HIPK2: variants seen among roughly 807,000 people sequenced by gnomAD.
The protein encoded by HIPK2 is homeodomain interacting protein kinase 2, also known as homeodomain-interacting protein kinase 2.
Under a neutral mutation model 113.7 loss-of-function variants are expected in HIPK2, and 27 were observed. The ratio of observed to expected loss-of-function variants is 0.24; its 90% CI spans 0.17 to 0.33. The LOEUF is 0.33. HIPK2 is among the 10% of genes least tolerant of loss of function. The pLI, the probability that HIPK2 is intolerant of heterozygous loss-of-function variation, is 1.00. For missense variants in HIPK2, 1,257 were observed against 1,588.0 expected, an observed-to-expected ratio of 0.79 and a Z score of 3.54; for synonymous variants, 631 against 642.2, an observed-to-expected ratio of 0.98 and a Z score of 0.26.
intron 2 of HIPK2, among the ~76,000 whole-genome samples, chr7:139,671,376 A>G (rs1223058536): frequency 6.6e-6 from 1 of 152,210 alleles, no homozygotes; most frequent in South Asian, 2.1e-4. Flanking sequence ...GACTTACTTA[A>G]AAAGAACTTC....
At chr7:139,755,863 C>T (rs1423663588) in intron 1 of HIPK2, among the ~76,000 whole-genome samples, 1 of 152,262 alleles carries the variant, frequency 6.6e-6, no homozygotes, top group Non-Finnish European at 1.5e-5. Context: ...ACCACAGCTA[C>T]CTTCTATTAT....
intron 2 of HIPK2, among the ~76,000 whole-genome samples, chr7:139,646,624 A>G (rs368215818): frequency 2.0e-5 from 3 of 152,304 alleles, no homozygotes; most frequent in African/African-American, 4.8e-5. Flanking sequence ...GTCCAAGAAC[A>G]GGGACTCTCC....
chr7:139,677,937 T>C (rs1287875991), intron 2 of HIPK2, among the ~76,000 whole-genome samples: 1 of 152,270 alleles, frequency 6.6e-6, no homozygotes, highest in Non-Finnish European at 1.5e-5. Flanking sequence ...TGGTATCTCA[T>C]TGTGGTTTTG....
At chr7:139,761,072 A>G (rs1796454702) in intron 1 of HIPK2, among the ~76,000 whole-genome samples, 2 of 152,238 alleles carry the variant, frequency 1.3e-5, no homozygotes, top group African/African-American at 2.4e-5. Context: ...ACGTGTTACT[A>G]CGTGAAGTGG....
At chr7:139,745,028 G>A (rs532415624) in intron 1 of HIPK2, among the ~76,000 whole-genome samples, 1 of 152,338 alleles carries the variant, frequency 6.6e-6, no homozygotes, top group South Asian at 2.1e-4. Flanking sequence ...CAGCAAGGCT[G>A]GTGGGCACAG....
intron 1 of HIPK2, among the ~76,000 whole-genome samples, chr7:139,723,533 A>G (rs1795480069): frequency 6.6e-6 from 1 of 152,098 alleles, no homozygotes; most frequent in African/African-American, 2.4e-5. Flanking sequence ...TTGTTAAGGG[A>G]CTGGCTCATT....
At chr7:139,586,133 G>A (rs1798825663) in intron 12 of HIPK2, among the ~76,000 whole-genome samples, 1 of 152,110 alleles carries the variant, frequency 6.6e-6, no homozygotes, top group Admixed American at 6.6e-5. Flanking sequence ...CTCAGAAGAA[G>A]GTGAGGAATG....
intron 1 of HIPK2, among the ~76,000 whole-genome samples, chr7:139,717,752 T>G (rs1217431863): frequency 6.6e-6 from 1 of 152,160 alleles, no homozygotes; most frequent in Non-Finnish European, 1.5e-5. Context: ...TGTTTGTTTG[T>G]TTTTGTTTTG....
intron 2 of HIPK2, among the ~76,000 whole-genome samples, chr7:139,701,360 G>C (rs939540675): frequency 6.6e-6 from 1 of 152,200 alleles, no homozygotes; most frequent in Non-Finnish European, 1.5e-5. Context: ...TTATAGTCTC[G>C]GCTAACTGCA....
At chr7:139,740,570 G>C (rs1262709216) in intron 1 of HIPK2, among the ~76,000 whole-genome samples, 1 of 152,224 alleles carries the variant, frequency 6.6e-6, no homozygotes, top group African/African-American at 2.4e-5. Context: ...AACTGGCAGG[G>C]AGAAGACCCG....
chr7:139,727,396 C>G (rs1795611860), intron 1 of HIPK2, among the ~76,000 whole-genome samples: 1 of 152,168 alleles, frequency 6.6e-6, no homozygotes, highest in Admixed American at 6.5e-5. Context: ...ACCAAATGCA[C>G]CATGTCACGC....
intron 2 of HIPK2, among the ~76,000 whole-genome samples, chr7:139,640,725 C>A (rs1800982732): frequency 6.6e-6 from 1 of 152,008 alleles, no homozygotes; most frequent in Non-Finnish European, 1.5e-5. Context: ...TCTTGGTTGA[C>A]CGCACCTTCC....
chr7:139,638,828 T>C (rs1046850303), intron 2 of HIPK2, among the ~76,000 whole-genome samples: 5 of 152,044 alleles, frequency 3.3e-5, no homozygotes, highest in African/African-American at 1.2e-4. Flanking sequence ...CGGCTAATTT[T>C]TCGTATTTTT....
chr7:139,634,194 C>T (rs1800723035), intron 2 of HIPK2, among the ~76,000 whole-genome samples: 1 of 152,066 alleles, frequency 6.6e-6, no homozygotes, highest in South Asian at 2.1e-4. Context: ...GAGTACCAGT[C>T]ACACTTGCCG....
Position 139,565,130 on chromosome 7 carries a change from G to A in HIPK2, c.*7797C>T, listed in dbSNP as rs1246250838. The A allele has an allele frequency of 6.6e-6, 1 of 151,928 alleles. No individual in the cohort carries two copies. The highest frequency in any genetic ancestry group is 2.4e-5 in the African/African-American group (1 of 41,352). The allele number at this position is 151,928 out of a possible 1,614,324, so 9.4% of individuals were successfully genotyped here. A position where few individuals can be genotyped will look rare whatever the true frequency, so the allele number is the denominator to read the frequency against. ...TTTCAAAAAAGGCTAAAACCAGGAT[G>A]AATGCCCACATTTGAGGTAATTATT... On this transcript the variant is annotated 3_prime_UTR_variant, in exon 15 of 15. Transcript: ENST00000406875.
chr7:139,604,015 T>G, intron 10 of HIPK2, 66 bp downstream of exon 10: 1 of 1,605,512 alleles, frequency 6.2e-7, no homozygotes. Context: ...GGCAGCCCTG[T>G]GTTGGCAGTG....
chr7:139,618,213 G>A (rs549196055), intron 7 of HIPK2, among the ~76,000 whole-genome samples: 11 of 152,306 alleles, frequency 7.2e-5, no homozygotes, highest in Non-Finnish European at 1.3e-4. Flanking sequence ...GTTATGGTAC[G>A]CTTAGTAAAG....
chr7:139,777,262 A>G (rs966031712), intron 1 of HIPK2: 3 of 152,390 alleles, frequency 2.0e-5, no homozygotes, highest in Non-Finnish European at 2.9e-5. Flanking sequence ...GGGGCGGTGG[A>G]AGCTAAGCCG....
Position 139,614,432 on chromosome 7 carries a change from T to C in HIPK2, c.1844A>G (p.Tyr615Cys). The change falls in exon 8 of 15, where the codon TAC (tyrosine) becomes TGC (cysteine). Residue 615 changes from tyrosine (Y) to cysteine (C), a missense_variant. This residue lies in a region of HIPK2 where 862 missense variants were observed against 1,004.3 expected (regional missense o/e 0.86). Transcript: ENST00000406875. ...LANPEVSILN[Y>C]PSTLYQPSAA... ...TGAGGGCTGGTAGAGTGTAGATGGG[T>C]AGTTTAGTATGGAGACTTCGGGATT... 9.8e-6 allele frequency: 15 copies of C among 1,534,352 alleles called. No individual in the cohort carries two copies. Among genetic ancestry groups the C allele is most frequent in the Non-Finnish European group, 1.3e-5 (15 of 1,133,098 alleles).
Sources: gnomAD v4.1 joint callset for allele counts (sites outside exome capture counted in the v4.1 genomes callset) on GRCh38, gnomAD v4.1.1 for gene constraint, gnomAD v4.1.1 regional missense constraint, MANE v1.5 for transcripts, NCBI Gene and HGNC (gene_info 2026-07-23, HGNC 2026-07-21) for gene names.